Variants in ABCF1 observed in about 807,000 individuals in gnomAD.
The protein encoded by ABCF1 is ATP binding cassette subfamily F member 1.
Under a neutral mutation model 126.3 loss-of-function variants are expected in ABCF1, and 73 were observed. The ratio of observed to expected loss-of-function variants is 0.58; its 90% CI spans 0.48 to 0.70. ABCF1 has a LOEUF of 0.70. ABCF1 is among the 30% of genes least tolerant of loss of function. The pLI, the probability that ABCF1 is intolerant of heterozygous loss-of-function variation, is 0.00. For synonymous variants in ABCF1, 345 were observed against 396.4 expected (o/e 0.87, Z 1.54); for missense variants, 786 against 1,057.5 (o/e 0.74, Z 3.56).
chr6:30,588,740 A>C, intron 20 of ABCF1, among the ~76,000 whole-genome samples: 1 of 151,980 alleles, frequency 6.6e-6, no homozygotes, highest in East Asian at 1.9e-4. Flanking sequence ...TGCTCTCTCT[A>C]GCAGTGTTGA....
At chr6:30,578,642 A>G (rs1801643463) in intron 6 of ABCF1, 65 bp downstream of exon 6, 2 of 1,387,066 alleles carry the variant, frequency 1.4e-6, no homozygotes, top group South Asian at 2.4e-5. Context: ...TGGTGGAGTA[A>G]TTTCCCGCTT....
intron 6 of ABCF1, 97 bp from the exon 7 acceptor site, chr6:30,579,834 G>C: frequency 8.3e-7 from 1 of 1,204,724 alleles, no homozygotes; most frequent in Non-Finnish European, 1.2e-6. Context: ...GCATGTGTAT[G>C]GTTAACACAG....
chr6:30,579,364 C>T (rs1801683435), intron 6 of ABCF1, among the ~76,000 whole-genome samples: 2 of 151,616 alleles, frequency 1.3e-5, no homozygotes, highest in South Asian at 4.2e-4. Flanking sequence ...GATTTTTCTA[C>T]TTTATGATGG....
chr6:30,578,067 T>C lies in ABCF1; in HGVS notation c.217-9T>C, dbSNP rs761023851. The C allele has an allele frequency of 6.2e-7, 1 of 1,613,184 alleles. No homozygotes were observed. Among genetic ancestry groups the C allele is most frequent in the Non-Finnish European group, 8.5e-7 (1 of 1,179,842 alleles). ...CTTCATTTTCTCACTGTTCTTTTGC[T>C]CTCAGCAGCAAAAAAAAAAGCGAGA... On this transcript the variant is annotated splice_polypyrimidine_tract_variant and intron_variant, in intron 3 of 24. Transcript: ENST00000326195.
chr6:30,585,100 G>C (rs1419333015), intron 14 of ABCF1, among the ~76,000 whole-genome samples, 160 bp from the exon 15 acceptor site: 2 of 152,158 alleles, frequency 1.3e-5, no homozygotes, highest in African/African-American at 4.8e-5. Context: ...GCGAGACCCT[G>C]TCTCAAAAAA....
Position 30,586,136 on chromosome 6 carries a change from AAAAC to A in ABCF1, c.1721_1724del (p.Gln574ArgfsTer5). 1.9e-6 allele frequency: 3 copies of A among 1,610,888 alleles called. No individual in the cohort carries two copies. The highest frequency in any genetic ancestry group is 2.5e-6 in the Non-Finnish European group (3 of 1,179,038). On this transcript the variant is annotated frameshift_variant, in exon 18 of 25. Transcript: ENST00000326195. LOFTEE classifies it high-confidence loss of function. This position sits in a 1 kb window ranked among gnomAD's most constrained non-coding sequence, Gnocchi z 4.9. ...TCTTTTTTCCTCTTCCTCTCCAGGA[AAAAC>A]AAACGAAGGAAGCCCTGACTCGGAA...
At chr6:30,575,778 G>A (rs1461088162) in intron 1 of ABCF1, among the ~76,000 whole-genome samples, 3 of 151,970 alleles carry the variant, frequency 2.0e-5, no homozygotes, top group South Asian at 4.1e-4. Flanking sequence ...TACAAACAAC[G>A]TGTCCCCCTG....
chr6:30,586,060 T>G lies in ABCF1; in HGVS notation c.1713+69T>G. The G allele has an allele frequency of 6.3e-7, 1 of 1,591,298 alleles. No individual in the cohort carries two copies. The highest frequency in any genetic ancestry group is 1.1e-5 in the South Asian group (1 of 88,524). On this transcript the variant is annotated intron_variant, in intron 17 of 24. Transcript: ENST00000326195. This position sits in a 1 kb window ranked among gnomAD's most constrained non-coding sequence, Gnocchi z 4.9. The stretch of plus-strand genomic sequence containing the variant: ...CCTGGCAGTGGAGGAAGAAGGAGAC[T>G]CTGGAACGCTGGCCTACATTTCAAG...
rs1368082617 is a variant in ABCF1, at chr6:30,574,025, A to T, written c.73+2465A>T. On this transcript the variant is annotated intron_variant, in intron 1 of 24. Transcript: ENST00000326195. This position sits in a 1 kb window ranked among gnomAD's most constrained non-coding sequence, Gnocchi z 4.3. ...ACACAGTATATCTCTAGCCACACTT[A>T]ATCTTTTTCAGTTCCTTGGGGATTA... Among the ~76,000 whole-genome samples the T allele has an allele frequency of 3.3e-5, 5 of 152,218 alleles. No homozygotes were observed. Among genetic ancestry groups the T allele is most frequent in the African/African-American group, 4.8e-5 (2 of 41,452 alleles).
In ABCF1 at chr6:30,577,395, GCTTAA is replaced by G; in HGVS notation, c.74-10_74-6del. 6.2e-7 allele frequency: 1 copy of G among 1,613,740 alleles called. No homozygotes were observed. Among genetic ancestry groups the G allele is most frequent in the East Asian group, 2.2e-5 (1 of 44,884 alleles). On this transcript the variant is annotated splice_polypyrimidine_tract_variant and intron_variant, in intron 1 of 24. Coordinates refer to ENST00000326195, the MANE Select transcript of ABCF1 (RefSeq NM_001025091.2). ...TTGCAGATAAGCATTCACGATGTCC[GCTTAA>G]CTTTCTAGACAAAGTGGTGAAGAAA...
At position 30,574,939 on chromosome 6, in the gene ABCF1, G is replaced by A. The variant is rs1038072149; in HGVS notation, c.74-2470G>A. Among the ~76,000 whole-genome samples the A allele has an allele frequency of 3.9e-5, 6 of 151,942 alleles. No individual in the cohort carries two copies. Among genetic ancestry groups the A allele is most frequent in the African/African-American group, 7.3e-5 (3 of 41,344 alleles). On this transcript the variant is annotated intron_variant, in intron 1 of 24. Coordinates refer to ENST00000326195, the MANE Select transcript of ABCF1 (RefSeq NM_001025091.2). The surrounding 1 kb of genome is among the most constrained non-coding windows in gnomAD (Gnocchi z 4.3). The stretch of plus-strand genomic sequence containing the variant: ...CCTTTAATTATTGGAATTGTCTCTC[G>A]TTAACTCTAGTTTTTTGGAGAAGTA...
chr6:30,571,528 G>C lies in ABCF1; in HGVS notation c.41G>C (p.Trp14Ser). 2 of 1,611,184 alleles carry C rather than the reference G, an allele frequency of 1.2e-6. No homozygotes were observed. The highest frequency in any genetic ancestry group is 1.9e-4 in the Middle Eastern group (1 of 5,280). The change falls in exon 1 of 25, where the codon TGG becomes TCG. Residue 14 changes from tryptophan (W) to serine (S), a missense_variant. Trp to Ser is a radical substitution (Grantham distance 177, BLOSUM62 -3). Around this residue, in one of 4 missense-constraint regions of ABCF1, gnomAD observed 322 missense variants for 322.9 expected, o/e 1.00. Coordinates refer to ENST00000326195, the MANE Select transcript of ABCF1 (RefSeq NM_001025091.2). The part of the protein sequence containing the change: ...APKQQPPEPE[W>S]IGDGESTSPS... ...AAGCAGCAGCCGCCGGAGCCCGAGT[G>C]GATCGGGGACGGAGAGAGCACGAGC...
At position 30,586,651 on chromosome 6, in the gene ABCF1, G is replaced by A; in HGVS notation, c.1971G>A (p.Val657=). ...GIDMDSRICI[V]GPNGVGKSTL... ...TCTTCCATCTTGCAGTTTGCATTGTGGGCCCTAATGGTGTGGGGAAGAGTA... is the reference window on the plus strand; with the variant it reads ...TCTTCCATCTTGCAGTTTGCATTGTAGGCCCTAATGGTGTGGGGAAGAGTA... Residue 657 remains valine, a synonymous_variant, in exon 20 of 25, where the codon GTG becomes GTA. Coordinates refer to ENST00000326195, the MANE Select transcript of ABCF1 (RefSeq NM_001025091.2). The surrounding 1 kb of genome is among the most constrained non-coding windows in gnomAD (Gnocchi z 4.9). 6.2e-7 allele frequency: 1 copy of A among 1,613,726 alleles called. No individual in the cohort carries two copies. Among genetic ancestry groups the A allele is most frequent in the Non-Finnish European group, 8.5e-7 (1 of 1,180,024 alleles).
chr6:30,574,200 G>A lies in ABCF1; in HGVS notation c.73+2640G>A, dbSNP rs9501024. The stretch of plus-strand genomic sequence containing the variant: ...ACTCCAGGCTGGAGTGCAGTGGCGC[G>A]ATCTCAGCTCACTGCAGCCTCAATC... On this transcript the variant is annotated intron_variant, in intron 1 of 24. Transcript: ENST00000326195. This position sits in a 1 kb window ranked among gnomAD's most constrained non-coding sequence, Gnocchi z 4.3. Among the ~76,000 whole-genome samples the A allele has an allele frequency of 0.015, 2,332 of 151,576 alleles. 63 individuals carry two copies. The highest frequency in any genetic ancestry group is 0.053 in the African/African-American group (2,192 of 41,352).
At chr6:30,573,182 G>C (rs546406546) in intron 1 of ABCF1, among the ~76,000 whole-genome samples, 2 of 152,292 alleles carry the variant, frequency 1.3e-5, no homozygotes, top group East Asian at 3.9e-4. Context: ...GCCAAGGCCT[G>C]AAGAATAAAG....
At position 30,584,272 on chromosome 6, in the gene ABCF1, C is replaced by G; in HGVS notation, c.1183C>G (p.Arg395Gly). 1.2e-6 allele frequency: 2 copies of G among 1,613,012 alleles called. No homozygotes were observed. Among genetic ancestry groups the G allele is most frequent in the Admixed American group, 1.7e-5 (1 of 60,018 alleles). Residue 395 changes from arginine to glycine, a missense_variant, in exon 13 of 25, where the codon CGG (arginine) becomes GGG (glycine). Coordinates refer to ENST00000326195, the MANE Select transcript of ABCF1 (RefSeq NM_001025091.2). The surrounding 1 kb of genome is among the most constrained non-coding windows in gnomAD (Gnocchi z 4.6). The part of the protein sequence containing the change: ...TKRLKLLEEE[R>G]RLQGQLEQGD... ...GCGATTGAAGCTGCTGGAAGAGGAG[C>G]GGCGGCTTCAGGGACAGCTGGAACA...
Position 30,571,459 on chromosome 6 carries a change from C to T in ABCF1, c.-29C>T, listed in dbSNP as rs1432952942. The T allele has an allele frequency of 1.3e-6, 2 of 1,597,320 alleles. No homozygotes were observed. The highest frequency in any genetic ancestry group is 1.3e-5 in the African/African-American group (1 of 74,716). ...CCGGAAGCGGAAATAGCACCGGGCGCCGCCACAGTAGCTGTAACTGCCACC... is the reference window on the plus strand; with the variant it reads ...CCGGAAGCGGAAATAGCACCGGGCGTCGCCACAGTAGCTGTAACTGCCACC... On this transcript the variant is annotated 5_prime_UTR_variant, in exon 1 of 25. Transcript: ENST00000326195.
rs772426004 is a variant in ABCF1 at position 30,590,203 on chromosome 6, T to C, written c.2288T>C (p.Val763Ala). The change falls in exon 23 of 25, where the codon GTC (valine) becomes GCC (alanine). Residue 763 changes from valine to alanine, a missense_variant. Physicochemically the swap from Val to Ala is moderately conservative, Grantham distance 64. This residue lies in a region of ABCF1 where 288 missense variants were observed against 423.5 expected (regional missense o/e 0.68). Transcript: ENST00000326195. The part of the protein sequence containing the change: ...FAELACREPD[V>A]LILDEPTNNL... The stretch of plus-strand genomic sequence containing the variant: ...GAGCTGGCCTGTCGGGAACCTGATG[T>C]CCTCATCTTGGTGAGTGAGCTGGGC... The C allele has an allele frequency of 3.7e-6, 6 of 1,612,900 alleles. 1 individual carries two copies. In the Admixed American group the frequency reaches 8.3e-5, roughly 22 times the overall value.
intron 1 of ABCF1, among the ~76,000 whole-genome samples, chr6:30,576,726 C>T (rs1003187647): frequency 6.6e-6 from 1 of 152,150 alleles, no homozygotes; most frequent in African/African-American, 2.4e-5. Flanking sequence ...TCTTGCTGTA[C>T]TCTGAAGCCA....
Sources: gnomAD v4.1 joint callset for allele counts (sites outside exome capture counted in the v4.1 genomes callset) on GRCh38, gnomAD v4.1.1 for gene constraint, gnomAD v4.1.1 regional missense constraint, Gnocchi (gnomAD v3.1) non-coding constraint, MANE v1.5 for transcripts, NCBI Gene and HGNC (gene_info 2026-07-23, HGNC 2026-07-21) for gene names.